Variants in SOS1 observed in about 807,000 individuals in gnomAD.
SOS1 encodes SOS Ras/Rac guanine nucleotide exchange factor 1.
In SOS1, 25 loss-of-function variants were observed where a neutral mutation model predicts 157.6. That is an observed-to-expected ratio of 0.16 (90% CI 0.12 to 0.22). The LOEUF is 0.22. SOS1 is among the 10% of genes least tolerant of loss of function. The probability of loss-of-function intolerance (pLI) is 1.00; values close to 1 mark genes in which losing one functional copy is unlikely to be tolerated. For missense variants in SOS1, 1,237 were observed against 1,599.1 expected (o/e 0.77, Z 3.86); for synonymous variants, 528 against 534.0 (o/e 0.99, Z 0.16).
rs548741920 is a variant in SOS1 at position 39,002,863 on chromosome 2, G to A, written c.2791+3549C>T. 1.4e-3 allele frequency among the ~76,000 whole-genome samples: 209 copies of A among 151,884 alleles called. 1 individual carries two copies. Among genetic ancestry groups the A allele is most frequent in the Non-Finnish European group, 2.5e-3 (168 of 67,920 alleles). ...GTGGATCTCTTGAGCTCAGGAGTTC[G>A]AGACCAGCCTGGGCAACCTGGTGAA... On this transcript the variant is annotated intron_variant, in intron 17 of 22. Coordinates refer to ENST00000402219, the MANE Select transcript of SOS1 (RefSeq NM_005633.4).
At chr2:39,081,480 A>G (rs1360628031) in intron 1 of SOS1, among the ~76,000 whole-genome samples, 1 of 150,392 alleles carries the variant, frequency 6.6e-6, no homozygotes, top group Non-Finnish European at 1.5e-5. Flanking sequence ...AGATCGCGCC[A>G]CTGCATTCTA....
rs191638760 is a variant in SOS1, at chr2:39,103,072, A to T, written c.87+17264T>A. On this transcript the variant is annotated intron_variant, in intron 1 of 22. Coordinates refer to ENST00000402219, the MANE Select transcript of SOS1 (RefSeq NM_005633.4). ...CCATTTAACATTGAAAAGAACAATA[A>T]CATCTAAAAGAGTACCTAGAAAGAG... 4.1e-3 allele frequency among the ~76,000 whole-genome samples: 622 copies of T among 152,344 alleles called. 2 individuals are homozygous for T. The highest frequency in any genetic ancestry group is 7.0e-3 in the Non-Finnish European group (474 of 68,032).
chr2:39,120,246 G>T, intron 1 of SOS1, 90 bp downstream of exon 1: 3 of 1,144,580 alleles, frequency 2.6e-6, no homozygotes, highest in Non-Finnish European at 3.5e-6. Context: ...GAAGAAAGAC[G>T]GCCCTGCGCG....
intron 7 of SOS1, 31 bp from the exon 8 acceptor site, chr2:39,035,341 T>A (rs1354076600): frequency 6.2e-7 from 1 of 1,602,318 alleles, no homozygotes; most frequent in Non-Finnish European, 8.6e-7. Flanking sequence ...ATTTTTTTTT[T>A]AAGTTTACTT....
chr2:39,071,314 C>G (rs1190333695), intron 1 of SOS1, among the ~76,000 whole-genome samples: 1 of 152,164 alleles, frequency 6.6e-6, no homozygotes, highest in Non-Finnish European at 1.5e-5. Context: ...TGCGGAGTAC[C>G]CTAGTGTACG....
chr2:39,060,720 C>T (rs1196906664), intron 2 of SOS1, among the ~76,000 whole-genome samples: 5 of 152,184 alleles, frequency 3.3e-5, no homozygotes, highest in East Asian at 3.9e-4. Flanking sequence ...CCACTGTGCC[C>T]GGCCTGTTTT....
intron 17 of SOS1, among the ~76,000 whole-genome samples, chr2:38,998,588 C>T (rs1308778121): frequency 6.6e-6 from 1 of 152,144 alleles, no homozygotes; most frequent in Non-Finnish European, 1.5e-5. Flanking sequence ...TAATTAGTCT[C>T]TCTGTGCCTC....
upstream of SOS1, among the ~76,000 whole-genome samples, chr2:39,122,535 G>A (rs1348419464): frequency 2.6e-5 from 4 of 151,996 alleles, no homozygotes; most frequent in African/African-American, 9.7e-5. Context: ...TTGGGAGGCC[G>A]AGGTGGGCGG....
At chr2:39,107,039 G>A (rs1046537790) in intron 1 of SOS1, among the ~76,000 whole-genome samples, 2 of 151,980 alleles carry the variant, frequency 1.3e-5, no homozygotes, top group African/African-American at 4.8e-5. Context: ...TAATTTCAAT[G>A]AAAATTAATT....
chr2:39,077,446 T>C (rs1326022336), intron 1 of SOS1, among the ~76,000 whole-genome samples: 1 of 152,188 alleles, frequency 6.6e-6, no homozygotes, highest in Non-Finnish European at 1.5e-5. Context: ...AATTGTCCTA[T>C]ACTCTAAACA....
intron 6 of SOS1, among the ~76,000 whole-genome samples, chr2:39,039,968 AG>A (rs1670499913): frequency 1.3e-5 from 2 of 152,270 alleles, no homozygotes; most frequent in African/African-American, 4.8e-5. Context: ...ACATTTTCAA[AG>A]TTCATCCATG....
chr2:39,025,166 A>G (rs1669914941), intron 8 of SOS1, among the ~76,000 whole-genome samples: 1 of 152,210 alleles, frequency 6.6e-6, no homozygotes, highest in Non-Finnish European at 1.5e-5. Flanking sequence ...GCACTTTGGG[A>G]GGCCCAGGTG....
In SOS1 at chr2:38,985,105, C is replaced by T. The variant is rs1668513474; in HGVS notation, c.*719G>A. ...GTCATGTTAATGACACAAAACTTCT[C>T]TTTTTTGAAGGCAACACCACCACAT... On this transcript the variant is annotated 3_prime_UTR_variant, in exon 23 of 23. Transcript: ENST00000402219. 6.6e-6 allele frequency: 1 copy of T among 152,108 alleles called. No homozygotes were observed. Among genetic ancestry groups the T allele is most frequent in the South Asian group, 2.1e-4 (1 of 4,828 alleles). The allele number at this position is 152,108 out of a possible 1,614,324, so 9.4% of individuals were successfully genotyped here.
chr2:39,007,299 A>AT, intron 15 of SOS1, 106 bp from the exon 16 acceptor site: 1 of 757,852 alleles, frequency 1.3e-6, no homozygotes, highest in Non-Finnish European at 2.3e-6. Context: ...GGGGGTGGCG[A>AT]TAGTATAACT....
chr2:38,985,339 T>C lies in SOS1; in HGVS notation c.*485A>G. On this transcript the variant is annotated 3_prime_UTR_variant, in exon 23 of 23. Transcript: ENST00000402219. ...GTACCACAGCCTTTCCTCACAGTCC[T>C]TTGAGTGATTTTTAAGAAAATATTC... 1 of 190,354 alleles carries C rather than the reference T, an allele frequency of 5.3e-6. No homozygotes were observed. The highest frequency in any genetic ancestry group is 1.2e-4 in the East Asian group (1 of 8,150). The allele number at this position is 190,354 out of a possible 1,614,324, so 11.8% of individuals were successfully genotyped here. A position where few individuals can be genotyped will look rare whatever the true frequency, so the allele number is the denominator to read the frequency against.
At chr2:39,008,672 T>G (rs1384366459) in intron 15 of SOS1, among the ~76,000 whole-genome samples, 2 of 152,206 alleles carry the variant, frequency 1.3e-5, no homozygotes, top group Admixed American at 1.3e-4. Context: ...AGCCACAATT[T>G]GATTGCATTA....
chr2:39,062,280 T>C (rs1018212027), intron 2 of SOS1, among the ~76,000 whole-genome samples: 20 of 151,790 alleles, frequency 1.3e-4, no homozygotes, highest in Admixed American at 3.9e-4. Context: ...TAGCCAAGCA[T>C]GGTGGTGCTC....
chr2:39,003,142 C>G (rs1370871932), intron 17 of SOS1, among the ~76,000 whole-genome samples: 1 of 150,396 alleles, frequency 6.6e-6, no homozygotes, highest in African/African-American at 2.5e-5. Flanking sequence ...TTTTTTAAAC[C>G]TCATAAGATC....
chr2:39,120,491 C>G lies in SOS1; in HGVS notation c.-69G>C. 1 of 1,398,732 alleles carries G rather than the reference C, an allele frequency of 7.1e-7. No homozygotes were observed. Among genetic ancestry groups the G allele is most frequent in the Non-Finnish European group, 9.3e-7 (1 of 1,072,814 alleles). 86.6% of individuals were successfully genotyped at this position (1,398,732 alleles called of 1,614,324 possible). A position where few individuals can be genotyped will look rare whatever the true frequency, so the allele number is the denominator to read the frequency against. ...GCCGGGCCAGGGAGCCGCGAGAGGG[C>G]GAGCTCGCAGCGCGGAACAGGGCCG... is the stretch of plus-strand genomic sequence containing the variant. On this transcript the variant is annotated 5_prime_UTR_variant, in exon 1 of 23. Coordinates refer to ENST00000402219, the MANE Select transcript of SOS1 (RefSeq NM_005633.4).
Sources: allele counts gnomAD v4.1 joint callset (sites outside exome capture counted in the v4.1 genomes callset), GRCh38; gene constraint gnomAD v4.1.1; transcripts MANE v1.5; gene names NCBI Gene and HGNC (gene_info 2026-07-23, HGNC 2026-07-21).